Variants in SKA1 observed in about 807,000 individuals in gnomAD.
SKA1 encodes SKA complex subunit 1.
A neutral mutation model predicts 31.8 loss-of-function variants in SKA1; 20 were observed. The observed-to-expected ratio is 0.63, with a 90% CI of 0.44 to 0.91. The LOEUF (loss-of-function observed/expected upper bound fraction) is 0.91. Among genes scored for constraint, SKA1 ranks in the 40% least tolerant of loss-of-function variants. The pLI, the probability that SKA1 is intolerant of heterozygous loss-of-function variation, is 0.00. For missense variants in SKA1, 253 were observed against 298.2 expected, an observed-to-expected ratio of 0.85 and a Z score of 1.12; for synonymous variants, 88 against 100.5, an observed-to-expected ratio of 0.88 and a Z score of 0.74.
chr18:50,380,229 A>G lies in SKA1; in HGVS notation c.192A>G (p.Glu64=). ...NKLELEIQYQ[E]QTNNSLKELC... is the part of the protein sequence containing the mutation. ...TGGAATTGGAAATTCAGTATCAAGA[A>G]CAAACCAACAATTCACTCAAGGTAA... The change falls in exon 3 of 7, where the codon GAA becomes GAG. Residue 64 remains glutamate (E), a synonymous_variant. Coordinates refer to ENST00000285116, the MANE Select transcript of SKA1 (RefSeq NM_145060.4). 6.5e-7 allele frequency: 1 copy of G among 1,548,146 alleles called. No individual in the cohort carries two copies. The highest frequency in any genetic ancestry group is 1.3e-5 in the South Asian group (1 of 79,870).
rs747298645 is a variant in SKA1, at chr18:50,392,160, G to A, written c.681G>A (p.Lys227=). Residue 227 remains lysine, a synonymous_variant, in exon 7 of 7, where the codon AAG becomes AAA. Transcript: ENST00000285116. The stretch of plus-strand genomic sequence containing the variant: ...TCACAACTTTGAAAGCTGACAAGAA[G>A]TTTCACGTGTTACTGAATATTTTAC... ...KEFTTLKADK[K]FHVLLNILRH... 6 of 1,610,264 alleles carry A rather than the reference G, an allele frequency of 3.7e-6. No individual in the cohort carries two copies. The African/African-American group carries it at 4.0e-5, about 11-fold the overall frequency.
rs1254188385 is a variant in SKA1, at chr18:50,392,284, A to G, written c.*37A>G. 2 of 1,339,140 alleles carry G rather than the reference A, an allele frequency of 1.5e-6. No individual in the cohort carries two copies. Among genetic ancestry groups the G allele is most frequent in the South Asian group, 2.0e-5 (1 of 50,738 alleles). 83.0% of individuals were successfully genotyped at this position (1,339,140 alleles called of 1,614,324 possible). On this transcript the variant is annotated 3_prime_UTR_variant, in exon 7 of 7. Transcript: ENST00000285116. ...ACTTTTGAACATACCAACAGGGTAT[A>G]GAGTATAGAGGCTATTTCTATAATT...
intron 5 of SKA1, among the ~76,000 whole-genome samples, chr18:50,389,310 G>A (rs748746761): frequency 1.3e-5 from 2 of 148,620 alleles, no homozygotes; most frequent in South Asian, 2.1e-4. Flanking sequence ...TAGTGATGAC[G>A]TTGACATTGC....
chr18:50,382,246 T>C lies in SKA1; in HGVS notation c.311+20T>C. Reference sequence around the variant, plus strand: ...GAGCTGGTAAGTGTATTTATAATTATTCTTGCTATCTGGATTTATAAACCC... The same window carrying C: ...GAGCTGGTAAGTGTATTTATAATTACTCTTGCTATCTGGATTTATAAACCC... On this transcript the variant is annotated intron_variant, in intron 4 of 6. Transcript: ENST00000285116. 7.3e-7 allele frequency: 1 copy of C among 1,372,868 alleles called. No homozygotes were observed. Among genetic ancestry groups the C allele is most frequent in the Non-Finnish European group, 9.8e-7 (1 of 1,023,164 alleles). 85.0% of individuals were successfully genotyped at this position (1,372,868 alleles called of 1,614,324 possible).
chr18:50,392,256 T>G lies in SKA1; in HGVS notation c.*9T>G. On this transcript the variant is annotated 3_prime_UTR_variant, in exon 7 of 7. Transcript: ENST00000285116. ...GTTATGTTATAACCTGAGTCCCTTG[T>G]GAACTTTTGAACATACCAACAGGGT... 1 of 1,529,606 alleles carries G rather than the reference T, an allele frequency of 6.5e-7. No individual in the cohort carries two copies. The highest frequency in any genetic ancestry group is 8.8e-7 in the Non-Finnish European group (1 of 1,142,678). The allele number at this position is 1,529,606 out of a possible 1,614,324, so 94.8% of individuals were successfully genotyped here.
Position 50,385,200 on chromosome 18 carries a change from C to T in SKA1, c.312-16C>T. On this transcript the variant is annotated splice_polypyrimidine_tract_variant and intron_variant, in intron 4 of 6. Transcript: ENST00000285116. The stretch of plus-strand genomic sequence containing the variant: ...TCTGAAAATTGCCTGTATGTATGTA[C>T]ATCTGTATTCTGTAGTGTTAAGGGA... The T allele has an allele frequency of 6.3e-7, 1 of 1,596,394 alleles. No individual in the cohort carries two copies. Among genetic ancestry groups the T allele is most frequent in the South Asian group, 1.1e-5 (1 of 87,080 alleles).
chr18:50,390,995 T>G, intron 5 of SKA1, 129 bp from the exon 6 acceptor site: 2 of 577,452 alleles, frequency 3.5e-6, no homozygotes, highest in Non-Finnish European at 2.9e-6. Flanking sequence ...GAAGTTGATA[T>G]AAGATTGTTT....
chr18:50,375,837 T>G lies in SKA1; in HGVS notation c.7T>G (p.Ser3Ala), dbSNP rs2041210422. The change falls in exon 2 of 7, where the codon TCG becomes GCG. Residue 3 changes from serine (S) to alanine (A), a missense_variant. Coordinates refer to ENST00000285116, the MANE Select transcript of SKA1 (RefSeq NM_145060.4). ...TTCTTCAGAGGCTTAAAGGATGGCC[T>G]CGTCAGATCTGGAACAATTATGCTC... MASSDLEQLCSHV... is the reference protein window; with the variant it reads MAASDLEQLCSHV... 8.7e-6 allele frequency: 14 copies of G among 1,603,116 alleles called. No homozygotes were observed. The highest frequency in any genetic ancestry group is 1.2e-5 in the Non-Finnish European group (14 of 1,175,476).
intron 5 of SKA1, among the ~76,000 whole-genome samples, chr18:50,386,989 C>G (rs2041313967): frequency 6.6e-6 from 1 of 152,206 alleles, no homozygotes; most frequent in Non-Finnish European, 1.5e-5. Context: ...TAAAAACGTT[C>G]ATGTGCAGGT....
chr18:50,391,887 G>A (rs774316389), intron 6 of SKA1, among the ~76,000 whole-genome samples: 2 of 152,178 alleles, frequency 1.3e-5, no homozygotes, highest in Admixed American at 6.5e-5. Flanking sequence ...TTGTTCAAGC[G>A]ATACCAACAG....
At chr18:50,381,239 C>A (rs7229855) in intron 3 of SKA1, among the ~76,000 whole-genome samples, 3 of 152,052 alleles carry the variant, frequency 2.0e-5, no homozygotes, top group East Asian at 1.9e-4. Context: ...AAATATTTTC[C>A]TTATTAAAAT....
At position 50,385,354 on chromosome 18, in the gene SKA1, G is replaced by A. The variant is rs370642365; in HGVS notation, c.449+1G>A. The A allele has an allele frequency of 1.2e-5, 19 of 1,596,968 alleles. No homozygotes were observed. The highest frequency in any genetic ancestry group is 2.7e-5 in the African/African-American group (2 of 74,158). ...GTGATGAGTTCAATGGTGTTCCTTC[G>A]TAAGTATTTAAGATAAATAATGTTC... On this transcript the variant is annotated splice_donor_variant, in intron 5 of 6. Transcript: ENST00000285116. LOFTEE classifies it high-confidence loss of function.
At chr18:50,384,654 A>ATT (rs1398003292) in intron 4 of SKA1, among the ~76,000 whole-genome samples, 5 of 141,886 alleles carry the variant, frequency 3.5e-5, no homozygotes, top group African/African-American at 1.4e-4. Flanking sequence ...GGGTTAGAAC[A>ATT]ATGAGATCAC....
intron 5 of SKA1, among the ~76,000 whole-genome samples, chr18:50,388,890 A>T (rs2041333034): frequency 6.6e-6 from 1 of 152,070 alleles, no homozygotes; most frequent in South Asian, 2.1e-4. Context: ...GGCTCCCTAA[A>T]CTGGATCCCC....
At position 50,384,747 on chromosome 18, in the gene SKA1, C is replaced by T. The variant is rs532169987; in HGVS notation, c.312-469C>T. On this transcript the variant is annotated intron_variant, in intron 4 of 6. Transcript: ENST00000285116. Reference sequence around the variant, plus strand: ...GGGAGGGATAGCATTGGGAGATATACCTAATGCTAGATGACACGTTAGTGG... The same window carrying T: ...GGGAGGGATAGCATTGGGAGATATATCTAATGCTAGATGACACGTTAGTGG... Among the ~76,000 whole-genome samples, 34 of 142,350 alleles carry T rather than the reference C, an allele frequency of 2.4e-4. No individual in the cohort carries two copies. In the South Asian group the frequency reaches 6.9e-3, roughly 29 times the overall value. 93.4% of individuals were successfully genotyped at this position (142,350 alleles called of 152,430 possible).
At chr18:50,375,307 G>C (rs1291477546) in intron 1 of SKA1, 113 bp downstream of exon 1, 1 of 152,378 alleles carries the variant, frequency 6.6e-6, no homozygotes, top group African/African-American at 2.4e-5. Context: ...TGGAGGCTGG[G>C]TTGGATGCTT....
At chr18:50,381,282 A>C (rs904057532) in intron 3 of SKA1, among the ~76,000 whole-genome samples, 4 of 152,176 alleles carry the variant, frequency 2.6e-5, no homozygotes, top group Non-Finnish European at 4.4e-5. Context: ...GTTCTAGTAA[A>C]AGTTAGAGAC....
Position 50,392,362 on chromosome 18 carries a change from T to C in SKA1, c.*115T>C. ...AATCTTTTTTGTTTCCTTTTTTTTT[T>C]TTTTGAGACAGGATCTTGCTTTGTC... On this transcript the variant is annotated 3_prime_UTR_variant, in exon 7 of 7. Transcript: ENST00000285116. The C allele has an allele frequency of 1.4e-6, 1 of 717,094 alleles. No homozygotes were observed. Among genetic ancestry groups the C allele is most frequent in the Non-Finnish European group, 1.9e-6 (1 of 519,462 alleles). 44.4% of individuals were successfully genotyped at this position (717,094 alleles called of 1,614,324 possible).
In SKA1 at chr18:50,380,646, C is replaced by T. The variant is rs533256028; in HGVS notation, c.213+396C>T. Among the ~76,000 whole-genome samples, 3 of 152,248 alleles carry T rather than the reference C, an allele frequency of 2.0e-5. No individual in the cohort carries two copies. The East Asian group carries it at 5.8e-4, about 29-fold the overall frequency. The stretch of plus-strand genomic sequence containing the variant: ...TTACCTGTTGGGGTTTCAAGAACCT[C>T]ATCTGAAAAAATAATGGATCATATT... On this transcript the variant is annotated intron_variant, in intron 3 of 6. Transcript: ENST00000285116.
Sources: allele counts gnomAD v4.1 joint callset (sites outside exome capture counted in the v4.1 genomes callset), GRCh38; gene constraint gnomAD v4.1.1; transcripts MANE v1.5; gene names NCBI Gene and HGNC (gene_info 2026-07-23, HGNC 2026-07-21).